The following PUDP variants were observed in gnomAD, a reference collection of about 807,000 sequenced individuals.
PUDP encodes pseudouridine-5'-phosphatase.
In PUDP, 8 loss-of-function variants were observed where a neutral mutation model predicts 9.4. That is an observed-to-expected ratio of 0.85 (90% CI 0.50 to 1.53). The LOEUF (loss-of-function observed/expected upper bound fraction) is 1.53, where lower values mean the gene tolerates loss of function less well. Ranked by LOEUF, PUDP falls within the 40% of genes most tolerant of loss-of-function variation. PUDP has a pLI of 0.00. For missense variants in PUDP, 188 were observed against 189.7 expected (o/e 0.99, Z 0.05); for synonymous variants, 99 against 80.7 (o/e 1.23, Z -1.22).
At chrX:7,067,495 C>T (rs781521428) in intron 3 of PUDP, among the ~76,000 whole-genome samples, 7 of 111,890 alleles carry the variant, frequency 6.3e-5, no homozygotes, top group Admixed American at 1.9e-4. Flanking sequence ...AGCCAGAACA[C>T]TTACTGAGCT....
At chrX:6,869,077 T>C (rs1031249637) in intron 3 of PUDP, among the ~76,000 whole-genome samples, 2 of 111,714 alleles carry the variant, frequency 1.8e-5, no homozygotes, top group African/African-American at 6.5e-5. Flanking sequence ...TTGAGAAGAA[T>C]ACTGCCTGCT....
intron 3 of PUDP, among the ~76,000 whole-genome samples, chrX:6,941,341 C>CTTTTTTTTTTTTTT (rs761887998): frequency 2.5e-5 from 2 of 78,647 alleles, no homozygotes; most frequent in Non-Finnish European, 4.8e-5. Flanking sequence ...TCTTTTCTGT[C>CTTTTTTTTTTTTTT]TTTTTTTTTT....
intron 2 of PUDP, among the ~76,000 whole-genome samples, chrX:7,083,162 C>T (rs1392522387): frequency 8.9e-6 from 1 of 112,037 alleles, no homozygotes; most frequent in African/African-American, 3.2e-5. Context: ...AGACAGTCAA[C>T]TTCTGTTATT....
At chrX:6,735,766 A>C (rs989048551) in intron 3 of PUDP, among the ~76,000 whole-genome samples, 1 of 111,179 alleles carries the variant, frequency 9.0e-6, no homozygotes, top group Non-Finnish European at 1.9e-5. Flanking sequence ...CCATTTACAC[A>C]CTTGATGTGT....
At chrX:7,059,848 G>C (rs781403481) in intron 3 of PUDP, among the ~76,000 whole-genome samples, 2 of 112,189 alleles carry the variant, frequency 1.8e-5, no homozygotes, top group African/African-American at 6.5e-5. Flanking sequence ...GAGTGCCTTT[G>C]CTGGCCTGTG....
At chrX:6,985,457 C>T (rs1929091218) in intron 1 of PUDP, among the ~76,000 whole-genome samples, 1 of 110,406 alleles carries the variant, frequency 9.1e-6, no homozygotes, top group Non-Finnish European at 1.9e-5. Context: ...TTTGTGGAAA[C>T]TTAGGGAGTT....
intron 1 of PUDP, among the ~76,000 whole-genome samples, chrX:7,145,128 A>G (rs942511076): frequency 8.9e-6 from 1 of 112,233 alleles, no homozygotes; most frequent in Non-Finnish European, 1.9e-5. Context: ...ACACACACAG[A>G]TTTTGAGGAC....
chrX:6,829,698 T>C (rs976391998), intron 3 of PUDP, among the ~76,000 whole-genome samples: 2 of 112,076 alleles, frequency 1.8e-5, no homozygotes, highest in African/African-American at 3.2e-5. Context: ...GTGTCTGTTA[T>C]GACCTTGAGC....
chrX:7,137,180 G>A (rs1469604018), intron 1 of PUDP, among the ~76,000 whole-genome samples: 4 of 106,923 alleles, frequency 3.7e-5, no homozygotes, highest in African/African-American at 1.0e-4. Context: ...GGTGGAGATT[G>A]CAGTGAGCCA....
chrX:6,847,155 C>T (rs1053512955), intron 3 of PUDP, among the ~76,000 whole-genome samples: 7 of 111,653 alleles, frequency 6.3e-5, no homozygotes, highest in Non-Finnish European at 1.3e-4. Context: ...GATGAAAACT[C>T]TGTGGCTCTT....
At chrX:6,723,432 CAAAAAAAAAAAAAA>C (rs549361509), upstream of PUDP, among the ~76,000 whole-genome samples, 56 of 17,332 alleles carry the variant, frequency 3.2e-3, no homozygotes, top group African/African-American at 6.9e-3. Context: ...GAGGCTCTGT[CAAAAAAAAAAAAAA>C]AAAAAAAAAA....
At chrX:6,754,575 C>G (rs1406357941) in intron 3 of PUDP, among the ~76,000 whole-genome samples, 3 of 107,810 alleles carry the variant, frequency 2.8e-5, no homozygotes, top group Non-Finnish European at 5.7e-5. Flanking sequence ...AAATCACAGA[C>G]TATTATAAAA....
At chrX:6,892,552 CCCGT>C (rs1260524633) in intron 3 of PUDP, among the ~76,000 whole-genome samples, 1 of 110,535 alleles carries the variant, frequency 9.0e-6, no homozygotes, top group East Asian at 2.8e-4. Context: ...ACAGGAAAGA[CCCGT>C]CCCCATGATT....
intron 3 of PUDP, among the ~76,000 whole-genome samples, chrX:6,768,654 T>C (rs774750359): frequency 1.8e-5 from 2 of 112,215 alleles, no homozygotes; most frequent in Admixed American, 9.5e-5. Context: ...TAAAGTCTTT[T>C]AAAAATTGTA....
chrX:6,778,724 G>A (rs1365971592), intron 3 of PUDP, among the ~76,000 whole-genome samples: 2 of 112,312 alleles, frequency 1.8e-5, no homozygotes, highest in African/African-American at 6.5e-5. Flanking sequence ...TCAGCATGGG[G>A]GGAGAAAGAG....
chrX:6,977,077 T>C (rs989711250), intron 3 of PUDP, among the ~76,000 whole-genome samples: 2 of 112,206 alleles, frequency 1.8e-5, no homozygotes, highest in Non-Finnish European at 3.8e-5. Flanking sequence ...TTCCCACATG[T>C]TTTACTAAAT....
chrX:7,133,874 A>T (rs1436275058), intron 1 of PUDP, among the ~76,000 whole-genome samples: 1 of 112,332 alleles, frequency 8.9e-6, no homozygotes, highest in Non-Finnish European at 1.9e-5. Flanking sequence ...ATGAGAGGAT[A>T]TGATTTTACT....
intron 3 of PUDP, among the ~76,000 whole-genome samples, chrX:6,845,830 T>A (rs754004785): frequency 1.6e-4 from 18 of 111,608 alleles, no homozygotes; most frequent in Non-Finnish European, 1.5e-4. Flanking sequence ...GAAGGGAGGG[T>A]TGCATTGTGA....
chrX:6,739,600 C>T (rs911358069), intron 3 of PUDP, among the ~76,000 whole-genome samples: 1 of 111,544 alleles, frequency 9.0e-6, no homozygotes, highest in Admixed American at 9.5e-5. Context: ...CTGCCCTCCA[C>T]AATAATGGTC....
Sources: allele counts gnomAD v4.1 joint callset (sites outside exome capture counted in the v4.1 genomes callset), GRCh38; gene constraint gnomAD v4.1.1; transcripts MANE v1.5; gene names NCBI Gene and HGNC (gene_info 2026-07-23, HGNC 2026-07-21).